FBXL2: variants seen among roughly 807,000 people sequenced by gnomAD.
FBXL2 encodes F-box/LRR-repeat protein 2.
A neutral mutation model predicts 69.2 loss-of-function variants in FBXL2; 38 were observed. The ratio of observed to expected loss-of-function variants is 0.55; its 90% confidence interval spans 0.42 to 0.72. FBXL2 has a LOEUF of 0.72. FBXL2 is among the 30% of genes least tolerant of loss of function. FBXL2 has a pLI of 0.00. For missense variants in FBXL2, 354 were observed against 520.3 expected (o/e 0.68, Z 3.11); for synonymous variants, 192 against 201.3 (o/e 0.95, Z 0.39).
chr3:33,396,445 C>G (rs1035232475), intron 12 of FBXL2: 1 of 527,104 alleles, frequency 1.9e-6, no homozygotes, highest in African/African-American at 1.9e-5. Flanking sequence ...AACCACACAC[C>G]TCACACCAAC....
In FBXL2 at chr3:33,304,986, C is replaced by T. The variant is rs571270321; in HGVS notation, c.65+7261C>T. ...TTTTGTTTTTGGCCTATTTGGTTATCGGCTTATTGATCTGTAGTTCTTTAT... is the reference window on the plus strand; with the variant it reads ...TTTTGTTTTTGGCCTATTTGGTTATTGGCTTATTGATCTGTAGTTCTTTAT... On this transcript the variant is annotated intron_variant, in intron 2 of 14. Transcript: ENST00000484457. 5.9e-5 allele frequency among the ~76,000 whole-genome samples: 9 copies of T among 152,014 alleles called. No homozygotes were observed. The South Asian group carries it at 6.2e-4, about 11-fold the overall frequency.
chr3:33,393,276 C>G, intron 12 of FBXL2: 1 of 1,566,636 alleles, frequency 6.4e-7, no homozygotes, highest in Non-Finnish European at 8.6e-7. Context: ...AAAGTAAATA[C>G]CAGTCTGAAA....
chr3:33,407,826 G>C (rs935668438), downstream of FBXL2, among the ~76,000 whole-genome samples: 2 of 152,204 alleles, frequency 1.3e-5, no homozygotes, highest in Non-Finnish European at 2.9e-5. Flanking sequence ...GAATACATAT[G>C]ATGACAATTA....
chr3:33,353,552 A>G (rs1057435768), intron 2 of FBXL2, among the ~76,000 whole-genome samples: 1 of 152,222 alleles, frequency 6.6e-6, no homozygotes, highest in Non-Finnish European at 1.5e-5. Flanking sequence ...GTTTGATTCC[A>G]ATCATATGGC....
intron 2 of FBXL2, among the ~76,000 whole-genome samples, chr3:33,330,697 G>T (rs1025708860): frequency 1.3e-5 from 2 of 152,120 alleles, no homozygotes; most frequent in African/African-American, 4.8e-5. Flanking sequence ...AGACCAGCCT[G>T]GCCAGCATGG....
intron 1 of FBXL2, among the ~76,000 whole-genome samples, chr3:33,289,480 CA>C (rs1481847989): frequency 1.3e-5 from 2 of 148,926 alleles, no homozygotes; most frequent in Non-Finnish European, 3.0e-5. Flanking sequence ...AGAGTTGACA[CA>C]AAAAAATCTA....
At chr3:33,280,808 A>C (rs1437625885) in intron 1 of FBXL2, among the ~76,000 whole-genome samples, 1 of 151,828 alleles carries the variant, frequency 6.6e-6, no homozygotes, top group Non-Finnish European at 1.5e-5. Flanking sequence ...GATATATATG[A>C]CTTGTCAAGT....
intron 1 of FBXL2, chr3:33,278,130 A>G (rs1206965523): frequency 3.3e-5 from 5 of 152,116 alleles, no homozygotes; most frequent in Non-Finnish European, 7.4e-5. Context: ...TAATTAATTC[A>G]TAATTAGTGC....
At chr3:33,411,539 A>G in the FBXL2 span, 4 of 1,544,742 alleles carry the variant, frequency 2.6e-6, no homozygotes, top group South Asian at 1.1e-5. Context: ...CATGACCTAA[A>G]TAACTAGGTT....
At chr3:33,362,224 G>T (rs1164146575) in intron 4 of FBXL2, among the ~76,000 whole-genome samples, 2 of 152,086 alleles carry the variant, frequency 1.3e-5, no homozygotes, top group Non-Finnish European at 2.9e-5. Flanking sequence ...CTGAAGTTTG[G>T]GTTGGCATTT....
rs566777215 is a variant in FBXL2 at position 33,325,566 on chromosome 3, T to C, written c.65+27841T>C. Among the ~76,000 whole-genome samples, 14 of 152,356 alleles carry C rather than the reference T, an allele frequency of 9.2e-5. No individual in the cohort carries two copies. In the South Asian group the frequency reaches 2.9e-3, roughly 32 times the overall value. On this transcript the variant is annotated intron_variant, in intron 2 of 14. Coordinates refer to ENST00000484457, the MANE Select transcript of FBXL2 (RefSeq NM_012157.5). ...TGAGATAATCATGTGGTTTTTGTCA[T>C]TGATGAACCAAATCTTTCTTCATCT...
chr3:33,374,015 G>A, intron 9 of FBXL2, 94 bp downstream of exon 9: 1 of 1,157,428 alleles, frequency 8.6e-7, no homozygotes. Flanking sequence ...AGGCACCTGA[G>A]ATGGGCTGTG....
chr3:33,346,603 AAGG>A (rs1223695293), intron 2 of FBXL2, among the ~76,000 whole-genome samples: 1 of 152,032 alleles, frequency 6.6e-6, no homozygotes, highest in Non-Finnish European at 1.5e-5. Flanking sequence ...AAAAAATAAA[AAGG>A]AGTAGAAATT....
intron 2 of FBXL2, among the ~76,000 whole-genome samples, chr3:33,308,273 T>A (rs1250058969): frequency 6.6e-6 from 1 of 152,212 alleles, no homozygotes; most frequent in Non-Finnish European, 1.5e-5. Flanking sequence ...GCCATTTCTT[T>A]AGAAGTATTG....
chr3:33,344,371 A>G (rs1172404842), intron 2 of FBXL2, among the ~76,000 whole-genome samples: 1 of 152,142 alleles, frequency 6.6e-6, no homozygotes, highest in Non-Finnish European at 1.5e-5. Flanking sequence ...TAGCTAATAC[A>G]GTTTTGAAGA....
At chr3:33,390,183 A>G, downstream of FBXL2, 1 of 759,406 alleles carries the variant, frequency 1.3e-6, no homozygotes, top group South Asian at 1.9e-5. Context: ...TTCACCTCTC[A>G]TACAGCTCAT....
downstream of FBXL2, among the ~76,000 whole-genome samples, chr3:33,406,227 A>G (rs545404261): frequency 2.0e-5 from 3 of 152,318 alleles, no homozygotes; most frequent in South Asian, 6.2e-4. Context: ...TTGGCAATAC[A>G]GTGAAAGCCC....
At chr3:33,375,259 A>C in intron 9 of FBXL2, 29 bp from the exon 10 acceptor site, 1 of 1,603,922 alleles carries the variant, frequency 6.2e-7, no homozygotes, top group Non-Finnish European at 8.5e-7. Flanking sequence ...GTGTCCTCTG[A>C]CTTTTCTTTC....
downstream of FBXL2, chr3:33,389,685 C>T (rs1212128138): frequency 6.6e-6 from 1 of 152,520 alleles, no homozygotes; most frequent in Non-Finnish European, 1.5e-5. Context: ...TACACTGATC[C>T]TCTCACCAAG....
Sources: allele counts gnomAD v4.1 joint callset (sites outside exome capture counted in the v4.1 genomes callset), GRCh38; gene constraint gnomAD v4.1.1; transcripts MANE v1.5; gene names NCBI Gene and HGNC (gene_info 2026-07-23, HGNC 2026-07-21).